The following RABGEF1 variants were observed in gnomAD, a reference collection of about 807,000 sequenced individuals.
The protein encoded by RABGEF1 is RAB guanine nucleotide exchange factor 1, also known as rab5 GDP/GTP exchange factor.
RABGEF1 carries 26 observed loss-of-function variants against 57.3 expected under a neutral mutation model. The ratio of observed to expected loss-of-function variants is 0.45; its 90% CI spans 0.33 to 0.63. The LOEUF is 0.63. RABGEF1 is among the 20% of genes least tolerant of loss of function. The pLI is 0.02. For missense variants in RABGEF1, 464 were observed against 607.6 expected, an observed-to-expected ratio of 0.76 and a Z score of 2.48; for synonymous variants, 185 against 210.7, an observed-to-expected ratio of 0.88 and a Z score of 1.06.
chr7:66,746,464 T>C (rs979967879), intron 1 of RABGEF1, among the ~76,000 whole-genome samples: 7 of 151,830 alleles, frequency 4.6e-5, no homozygotes, highest in African/African-American at 1.4e-4. Flanking sequence ...ATTTTTTTTG[T>C]ATTTTTAGTA....
intron 1 of RABGEF1, among the ~76,000 whole-genome samples, chr7:66,704,198 A>C (rs1025286455): frequency 1.3e-5 from 2 of 152,250 alleles, no homozygotes; most frequent in Non-Finnish European, 2.9e-5. Context: ...TAAGGTTGAC[A>C]GTGGGAGACT....
chr7:66,775,731 A>G (rs2129124196), intron 3 of RABGEF1, among the ~76,000 whole-genome samples: 1 of 152,288 alleles, frequency 6.6e-6, no homozygotes, highest in South Asian at 2.1e-4. Context: ...GTTCTGTGGT[A>G]TAATACCCTC....
intron 3 of RABGEF1, among the ~76,000 whole-genome samples, chr7:66,778,715 G>GA (rs1365687093): frequency 6.6e-6 from 1 of 152,032 alleles, no homozygotes; most frequent in African/African-American, 2.4e-5. Flanking sequence ...CTAGAGTAGG[G>GA]AAAAAAGGGC....
intron 1 of RABGEF1, among the ~76,000 whole-genome samples, chr7:66,744,126 C>G (rs1011941468): frequency 6.6e-6 from 1 of 151,332 alleles, no homozygotes; most frequent in Non-Finnish European, 1.5e-5. Flanking sequence ...ACCTCTGCCT[C>G]CTGGATTCAA....
intron 1 of RABGEF1, among the ~76,000 whole-genome samples, chr7:66,693,140 G>A (rs1238554020): frequency 6.6e-6 from 1 of 152,174 alleles, no homozygotes; most frequent in Admixed American, 6.5e-5. Flanking sequence ...TTGGCACAGT[G>A]ACAGGGTGTA....
intron 1 of RABGEF1, chr7:66,748,695 G>C (rs1425239526): frequency 6.6e-6 from 1 of 152,522 alleles, no homozygotes; most frequent in African/African-American, 2.4e-5. Context: ...TTCCATTGCA[G>C]TCCTGAAGCA....
At chr7:66,697,202 C>A (rs1792484416) in intron 1 of RABGEF1, among the ~76,000 whole-genome samples, 1 of 152,110 alleles carries the variant, frequency 6.6e-6, no homozygotes. Flanking sequence ...TCCAGCCCAG[C>A]CCTACCTTGG....
chr7:66,759,302 G>C (rs1803611822), intron 1 of RABGEF1, among the ~76,000 whole-genome samples: 1 of 152,190 alleles, frequency 6.6e-6, no homozygotes, highest in Admixed American at 6.5e-5. Context: ...GTTGTGCATT[G>C]AGCAGATTCT....
At chr7:66,796,950 G>A (rs1246967838) in intron 5 of RABGEF1, 1 of 429,258 alleles carries the variant, frequency 2.3e-6, no homozygotes, top group Non-Finnish European at 4.6e-6. Flanking sequence ...TTTGTTCTGA[G>A]TGTGTTTAAT....
At chr7:66,693,861 G>A (rs377426806) in intron 1 of RABGEF1, among the ~76,000 whole-genome samples, 1 of 150,316 alleles carries the variant, frequency 6.7e-6, no homozygotes, top group East Asian at 1.9e-4. Context: ...AGGCTGGAGT[G>A]CAGTGGCGAG....
intron 2 of RABGEF1, chr7:66,774,057 T>G (rs1172334511): frequency 3.6e-6 from 1 of 281,400 alleles, no homozygotes; most frequent in Non-Finnish European, 7.1e-6. Flanking sequence ...TTCTGAACAT[T>G]TTCCTCCTAA....
In RABGEF1 at chr7:66,783,730, A is replaced by G; in HGVS notation, c.402A>G (p.Glu134=). Residue 134 remains glutamate (E), a synonymous_variant, in exon 4 of 9, where the codon GAA becomes GAG. Transcript: ENST00000284957. ...CCATAAACCGGCAAACCAGCATTGA[A>G]ACGGATAGAGTGTCTAAGGAGTTCA... ...SPSINRQTSI[E]TDRVSKEFIE... is the part of the protein sequence containing the mutation. The G allele has an allele frequency of 1.9e-6, 3 of 1,612,992 alleles. No individual in the cohort carries two copies. Among genetic ancestry groups the G allele is most frequent in the Non-Finnish European group, 2.5e-6 (3 of 1,179,274 alleles).
At chr7:66,808,076 C>T (rs2129197437) in intron 8 of RABGEF1, 1 of 152,304 alleles carries the variant, frequency 6.6e-6, no homozygotes, top group East Asian at 1.9e-4. Context: ...TTAATTCTCA[C>T]AATAAATCTA....
intron 1 of RABGEF1, among the ~76,000 whole-genome samples, chr7:66,766,632 G>A (rs935309459): frequency 1.3e-5 from 2 of 152,046 alleles, no homozygotes; most frequent in African/African-American, 4.8e-5. Flanking sequence ...TCTCTGTCAA[G>A]TCTCATTAAA....
intron 1 of RABGEF1, among the ~76,000 whole-genome samples, chr7:66,762,468 T>C (rs1252128711): frequency 6.6e-6 from 1 of 152,054 alleles, no homozygotes; most frequent in African/African-American, 2.4e-5. Flanking sequence ...CCACATGCTA[T>C]AGTCCCAGCT....
chr7:66,772,603 A>G lies in RABGEF1; in HGVS notation c.179+525A>G, dbSNP rs1807409206. Among the ~76,000 whole-genome samples, 3 of 152,138 alleles carry G rather than the reference A, an allele frequency of 2.0e-5. 1 individual carries two copies. In the South Asian group the frequency reaches 6.2e-4, roughly 31 times the overall value. ...AGCATTTGGTATTATCCGGAAATATAATGATGTTAAAAATTAAACGATGGG... is the reference window on the plus strand; with the variant it reads ...AGCATTTGGTATTATCCGGAAATATGATGATGTTAAAAATTAAACGATGGG... On this transcript the variant is annotated intron_variant, in intron 2 of 8. Transcript: ENST00000284957.
the RABGEF1 span, among the ~76,000 whole-genome samples, chr7:66,656,459 A>C: frequency 1.3e-5 from 2 of 152,136 alleles, no homozygotes; most frequent in Non-Finnish European, 2.9e-5. Context: ...GAGATCTAGA[A>C]GCTTAGGCTT....
At chr7:66,774,005 A>C in intron 2 of RABGEF1, 1 of 314,300 alleles carries the variant, frequency 3.2e-6, no homozygotes. Flanking sequence ...CATGCAGCTA[A>C]TCCAAAGCCA....
intron 1 of RABGEF1, among the ~76,000 whole-genome samples, chr7:66,768,197 A>T (rs1301750748): frequency 6.6e-6 from 1 of 152,240 alleles, no homozygotes; most frequent in Non-Finnish European, 1.5e-5. Context: ...ACTGTACTGG[A>T]CAGTTAACAA....
Sources: allele counts gnomAD v4.1 joint callset (sites outside exome capture counted in the v4.1 genomes callset), GRCh38; gene constraint gnomAD v4.1.1; transcripts MANE v1.5; gene names NCBI Gene and HGNC (gene_info 2026-07-23, HGNC 2026-07-21).